OR2C1: variants seen among roughly 807,000 people sequenced by gnomAD.
OR2C1 encodes the protein olfactory receptor family 2 subfamily C member 1, also known as olfactory receptor 2C1.
For missense variants in OR2C1, 468 were observed against 388.3 expected, an observed-to-expected ratio of 1.21 and a Z score of -1.73; for synonymous variants, 209 against 167.3, an observed-to-expected ratio of 1.25 and a Z score of -1.92.
the OR2C1 span, among the ~76,000 whole-genome samples, chr16:3,347,976 A>G: frequency 1.3e-5 from 2 of 152,248 alleles, no homozygotes; most frequent in African/African-American, 4.8e-5. Flanking sequence ...TAAATAGATT[A>G]TGATAGATGC....
At chr16:3,343,527 A>G in the OR2C1 span, among the ~76,000 whole-genome samples, 1 of 152,088 alleles carries the variant, frequency 6.6e-6, no homozygotes, top group African/African-American at 2.4e-5. Flanking sequence ...TGAGGCGGGC[A>G]GATCACCTGA....
At chr16:3,348,593 C>T in the OR2C1 span, among the ~76,000 whole-genome samples, 4 of 152,208 alleles carry the variant, frequency 2.6e-5, no homozygotes, top group Admixed American at 6.5e-5. Context: ...TCAGGAGAGA[C>T]TTGCTGGGGC....
At chr16:3,346,864 T>C in the OR2C1 span, among the ~76,000 whole-genome samples, 1 of 150,912 alleles carries the variant, frequency 6.6e-6, no homozygotes, top group African/African-American at 2.4e-5. Flanking sequence ...ACTCTTGGCC[T>C]CAAGTGATCT....
the OR2C1 span, chr16:3,323,341 C>G: frequency 1.8e-6 from 2 of 1,109,768 alleles, no homozygotes; most frequent in African/African-American, 1.5e-5. Context: ...AAATGCTTCA[C>G]TGGGAGGCAA....
At chr16:3,357,690 T>A (rs1279745731), downstream of OR2C1, among the ~76,000 whole-genome samples, 1 of 152,156 alleles carries the variant, frequency 6.6e-6, no homozygotes, top group Non-Finnish European at 1.5e-5. Flanking sequence ...TTCTTAATAA[T>A]GCAGTATACC....
chr16:3,349,229 A>G, the OR2C1 span, among the ~76,000 whole-genome samples: 1 of 152,184 alleles, frequency 6.6e-6, no homozygotes. Context: ...TGTCATTTTT[A>G]TTACTAGTTC....
chr16:3,357,542 T>C (rs2030701699), downstream of OR2C1, among the ~76,000 whole-genome samples: 1 of 152,164 alleles, frequency 6.6e-6, no homozygotes, highest in Non-Finnish European at 1.5e-5. Flanking sequence ...TAATTTTTAT[T>C]TTTATTTTTT....
chr16:3,327,199 C>A, the OR2C1 span, among the ~76,000 whole-genome samples: 18 of 152,194 alleles, frequency 1.2e-4, no homozygotes, highest in African/African-American at 4.1e-4. Context: ...TTAAAAATCA[C>A]CAACATTTTG....
chr16:3,343,748 T>A, the OR2C1 span, among the ~76,000 whole-genome samples: 1 of 149,258 alleles, frequency 6.7e-6, no homozygotes, highest in African/African-American at 2.5e-5. Flanking sequence ...CAAGACCCTG[T>A]CTCAAAAAAT....
chr16:3,351,586 C>T (rs1261364141), upstream of OR2C1, among the ~76,000 whole-genome samples: 3 of 152,188 alleles, frequency 2.0e-5, no homozygotes, highest in Non-Finnish European at 2.9e-5. Context: ...CTCCTTCTCC[C>T]TGTTCTCTAA....
the OR2C1 span, among the ~76,000 whole-genome samples, chr16:3,347,879 TGCAC>T: frequency 1.5e-4 from 1 of 6,636 alleles, no homozygotes; most frequent in East Asian, 0.011. Flanking sequence ...CACACGCACA[TGCAC>T]ACATGCACAC....
At chr16:3,325,289 T>C in the OR2C1 span, among the ~76,000 whole-genome samples, 1 of 151,892 alleles carries the variant, frequency 6.6e-6, no homozygotes, top group Non-Finnish European at 1.5e-5. Context: ...GCCTATTTAC[T>C]TATTTTTTAA....
chr16:3,345,669 G>A, the OR2C1 span, among the ~76,000 whole-genome samples: 2 of 151,792 alleles, frequency 1.3e-5, no homozygotes, highest in African/African-American at 4.8e-5. Flanking sequence ...TGCCTATGAG[G>A]GAGTAGAGAG....
chr16:3,355,837 G>A, upstream of OR2C1: 1 of 785,898 alleles, frequency 1.3e-6, no homozygotes, highest in East Asian at 2.5e-5. Flanking sequence ...AGAACTATTA[G>A]ACCGTTCCTG....
In OR2C1 at chr16:3,356,477, C is replaced by G; in HGVS notation, c.537C>G (p.Cys179Trp). 6.2e-7 allele frequency: 1 copy of G among 1,614,034 alleles called. No individual in the cohort carries two copies. Among genetic ancestry groups the G allele is most frequent in the South Asian group, 1.1e-5 (1 of 91,084 alleles). ...ACCGGAGGGTGGAGGGATTCCTCTG[C>G]GAGGTGCCTGCCATGATCAAACTGG... Reference protein sequence around the residue: ...CGHRRVEGFLCEVPAMIKLAC... With the variant: ...CGHRRVEGFLWEVPAMIKLAC... The change falls in exon 1 of 1, where the codon TGC (cysteine) becomes TGG (tryptophan). Residue 179 changes from cysteine (C) to tryptophan (W), a missense_variant. Cys to Trp is a radical substitution (Grantham distance 215, BLOSUM62 -2). Transcript: ENST00000304936.
upstream of OR2C1, among the ~76,000 whole-genome samples, chr16:3,353,817 G>T (rs1313478315): frequency 4.6e-5 from 7 of 151,024 alleles, no homozygotes; most frequent in Non-Finnish European, 1.0e-4. Context: ...AGAGAAAGAA[G>T]GAAGGAAGGA....
chr16:3,352,525 A>C (rs2030588453), upstream of OR2C1, among the ~76,000 whole-genome samples: 1 of 152,116 alleles, frequency 6.6e-6, no homozygotes, highest in South Asian at 2.1e-4. Context: ...AGAAGTAATA[A>C]TTTACATAAA....
the OR2C1 span, among the ~76,000 whole-genome samples, chr16:3,333,914 G>T: frequency 6.6e-6 from 1 of 151,200 alleles, no homozygotes; most frequent in Non-Finnish European, 1.5e-5. Flanking sequence ...TTCTACCTAT[G>T]TATATCCACT....
At chr16:3,333,927 C>A in the OR2C1 span, among the ~76,000 whole-genome samples, 2 of 152,008 alleles carry the variant, frequency 1.3e-5, no homozygotes, top group Admixed American at 1.3e-4. Context: ...TATCCACTTT[C>A]CCAAGCACCA....
Sources: gnomAD v4.1 joint callset for allele counts (sites outside exome capture counted in the v4.1 genomes callset) on GRCh38, gnomAD v4.1.1 for gene constraint, MANE v1.5 for transcripts, NCBI Gene and HGNC (gene_info 2026-07-23, HGNC 2026-07-21) for gene names.